STARD13: variants seen among roughly 807,000 people sequenced by gnomAD.
The protein encoded by STARD13 is stAR-related lipid transfer protein 13.
Under a neutral mutation model 106.4 loss-of-function variants are expected in STARD13, and 62 were observed. The observed-to-expected ratio is 0.58, with a 90% CI of 0.48 to 0.72. The LOEUF is 0.72. Among genes scored for constraint, STARD13 ranks in the 30% least tolerant of loss-of-function variants. The pLI is 0.00. For missense variants in STARD13, 1,387 were observed against 1,424.0 expected (o/e 0.97, Z 0.42); for synonymous variants, 565 against 553.0 (o/e 1.02, Z -0.31).
the STARD13 span, among the ~76,000 whole-genome samples, chr13:33,379,200 A>G: frequency 5.3e-5 from 8 of 152,234 alleles, no homozygotes; most frequent in East Asian, 1.5e-3. Flanking sequence ...TGGACTATAA[A>G]ACTGGATCTG....
Position 33,130,289 on chromosome 13 carries a change from C to A in STARD13, c.388G>T (p.Gly130Cys). 1 of 1,598,860 alleles carries A rather than the reference C, an allele frequency of 6.3e-7. No individual in the cohort carries two copies. The highest frequency in any genetic ancestry group is 8.5e-7 in the Non-Finnish European group (1 of 1,178,732). Residue 130 changes from glycine (G) to cysteine (C), a missense_variant and splice_region_variant, in exon 5 of 14, where the codon GGT (glycine) becomes TGT (cysteine). By Grantham distance (159) the Gly-to-Cys change is radical. Transcript: ENST00000336934. The surrounding 1 kb of genome is among the most constrained non-coding windows in gnomAD (Gnocchi z 4.1). The stretch of plus-strand genomic sequence containing the variant: ...AGATCTTCCTCATCGGAGTCGTCAC[C>A]CTGCAGAGCACCAAGGAAAATGCTC... ...KLDVNFQRKK[G>C]DDSDEEDLCI...
the STARD13 span, chr13:33,511,420 C>CA: frequency 5.3e-5 from 8 of 151,654 alleles, no homozygotes; most frequent in African/African-American, 1.9e-4. Flanking sequence ...GTAGGGAAAA[C>CA]AAAAAAATCA....
chr13:33,443,585 C>T, the STARD13 span, among the ~76,000 whole-genome samples: 2 of 151,916 alleles, frequency 1.3e-5, no homozygotes, highest in African/African-American at 4.8e-5. Flanking sequence ...AGCAATATAA[C>T]ACATTAAGAG....
chr13:33,575,012 G>A, the STARD13 span, among the ~76,000 whole-genome samples: 11 of 149,770 alleles, frequency 7.3e-5, no homozygotes, highest in African/African-American at 2.7e-4. Flanking sequence ...TGCCTCTCAG[G>A]TTCAAGTGAT....
chr13:33,602,796 A>G, the STARD13 span, among the ~76,000 whole-genome samples: 2,413 of 152,284 alleles, frequency 0.016, 78 homozygotes, highest in African/African-American at 0.055. Context: ...AACTGTGCAT[A>G]TGGGAAATCT....
At chr13:33,255,836 T>C (rs1890335485) in intron 1 of STARD13, among the ~76,000 whole-genome samples, 2 of 152,144 alleles carry the variant, frequency 1.3e-5, no homozygotes. Context: ...CTACTCTGAG[T>C]TGAGGAGCTA....
chr13:33,646,467 C>T, the STARD13 span, among the ~76,000 whole-genome samples: 1 of 152,178 alleles, frequency 6.6e-6, no homozygotes, highest in East Asian at 1.9e-4. Context: ...GGAAGTTCTG[C>T]GAATTCCCAC....
At chr13:33,159,094 C>T (rs1331307209) in intron 3 of STARD13, among the ~76,000 whole-genome samples, 2 of 152,136 alleles carry the variant, frequency 1.3e-5, no homozygotes, top group Non-Finnish European at 2.9e-5. Flanking sequence ...TTATACAAGC[C>T]GGGCCCTTAT....
rs140070380 is a variant in STARD13 at position 33,300,118 on chromosome 13, A to G, written c.124+50172T>C. Among the ~76,000 whole-genome samples the G allele has an allele frequency of 6.9e-3, 1,058 of 152,328 alleles. 8 individuals are homozygous for G. The highest frequency in any genetic ancestry group is 0.023 in the African/African-American group (949 of 41,576). Reference sequence around the variant, plus strand: ...AGTCAGGCTCTGTTATTTATTTATTAACTACATAAGCTTGGACAAATCAAA... The same window carrying G: ...AGTCAGGCTCTGTTATTTATTTATTGACTACATAAGCTTGGACAAATCAAA... On this transcript the variant is annotated intron_variant, in intron 1 of 5. Transcript: ENST00000567873.
At chr13:33,123,204 T>A (rs931290078) in intron 7 of STARD13, among the ~76,000 whole-genome samples, 2 of 151,000 alleles carry the variant, frequency 1.3e-5, no homozygotes, top group Admixed American at 1.3e-4. Flanking sequence ...GTACTAAGAG[T>A]CTTCCCAGCA....
intron 1 of STARD13, chr13:33,278,522 C>T (rs891837202): frequency 6.6e-6 from 1 of 151,708 alleles, no homozygotes; most frequent in Admixed American, 6.6e-5. Context: ...AGACTCACTA[C>T]TGAATTCACA....
At chr13:33,578,859 A>T in the STARD13 span, among the ~76,000 whole-genome samples, 1 of 152,140 alleles carries the variant, frequency 6.6e-6, no homozygotes, top group South Asian at 2.1e-4. Flanking sequence ...GACAATCCTC[A>T]AAAGAAGATA....
At chr13:33,496,810 A>G in the STARD13 span, among the ~76,000 whole-genome samples, 2 of 152,074 alleles carry the variant, frequency 1.3e-5, no homozygotes, top group African/African-American at 4.8e-5. Flanking sequence ...ATTTTGTCTC[A>G]ACATCAAATG....
chr13:33,240,694 A>ATTTTATCCTTAAGGATCCTTAAGTT (rs1173307507), intron 1 of STARD13, among the ~76,000 whole-genome samples: 26 of 151,650 alleles, frequency 1.7e-4, no homozygotes, highest in African/African-American at 6.3e-4. Context: ...ATCCTTAAGT[A>ATTTTATCCTTAAGGATCCTTAAGTT]TTTTATCCTT....
the STARD13 span, among the ~76,000 whole-genome samples, chr13:33,420,255 G>A: frequency 6.5e-3 from 984 of 152,252 alleles, 10 homozygotes; most frequent in African/African-American, 0.023. Flanking sequence ...AAGGGATGGA[G>A]GAAGATCTAT....
the STARD13 span, among the ~76,000 whole-genome samples, chr13:33,574,082 T>C: frequency 2.0e-5 from 3 of 152,066 alleles, no homozygotes; most frequent in African/African-American, 7.2e-5. Context: ...CCTAAAAACA[T>C]GACAGGAGTT....
At chr13:33,280,169 A>T (rs1891699513) in intron 1 of STARD13, 1 of 152,232 alleles carries the variant, frequency 6.6e-6, no homozygotes. Flanking sequence ...GACATTACCC[A>T]GTTGCTGGGG....
chr13:33,443,913 AG>A, the STARD13 span, among the ~76,000 whole-genome samples: 1 of 151,478 alleles, frequency 6.6e-6, no homozygotes. Context: ...AAAAAAAAGA[AG>A]ATATCTCTAA....
chr13:33,570,458 A>T, the STARD13 span, among the ~76,000 whole-genome samples: 1 of 148,244 alleles, frequency 6.7e-6, no homozygotes, highest in South Asian at 2.2e-4. Context: ...TTAACCCTTA[A>T]CTTTTCTTGG....
Sources: allele counts gnomAD v4.1 joint callset (sites outside exome capture counted in the v4.1 genomes callset), GRCh38; gene constraint gnomAD v4.1.1; non-coding constraint Gnocchi (gnomAD v3.1); transcripts MANE v1.5; gene names NCBI Gene and HGNC (gene_info 2026-07-23, HGNC 2026-07-21).